ZNF487: variants seen among roughly 807,000 people sequenced by gnomAD.
ZNF487 encodes zinc finger protein 487, also known as KRAB domain only 1.
ZNF487 carries 4 observed loss-of-function variants against 3.0 expected under a neutral mutation model. That is an observed-to-expected ratio of 1.35 (90% CI 0.66 to 3.08). The LOEUF (loss-of-function observed/expected upper bound fraction) is 3.08, where lower values mean the gene tolerates loss of function less well. Ranked by LOEUF, ZNF487 falls within the 30% of genes most tolerant of loss-of-function variation. The pLI, the probability that ZNF487 is intolerant of heterozygous loss-of-function variation, is 0.01. For missense variants in ZNF487, 146 were observed against 98.7 expected (o/e 1.48, Z -2.03); for synonymous variants, 55 against 34.6 (o/e 1.59, Z -2.06).
rs555854438 is a variant in ZNF487 at position 43,455,665 on chromosome 10, A to G, written c.-94+18403A>G. 1.3e-5 allele frequency among the ~76,000 whole-genome samples: 2 copies of G among 152,294 alleles called. 1 individual carries two copies. The highest frequency in any genetic ancestry group is 4.1e-4 in the South Asian group (2 of 4,828). ...GTGGCAGCGACGGGCACTGCCGCGCATGCGCGGCCCATTTCCGAGAGTGGC... is the reference window on the plus strand; with the variant it reads ...GTGGCAGCGACGGGCACTGCCGCGCGTGCGCGGCCCATTTCCGAGAGTGGC... On this transcript the variant is annotated intron_variant, in intron 1 of 3. Transcript: ENST00000437590.
At chr10:43,442,851 A>C (rs560861153) in intron 1 of ZNF487, among the ~76,000 whole-genome samples, 19 of 152,346 alleles carry the variant, frequency 1.2e-4, no homozygotes, top group African/African-American at 4.1e-4. Flanking sequence ...TTGCTTCGAC[A>C]GCACATATAC....
At chr10:43,492,760 A>C in the ZNF487 span, among the ~76,000 whole-genome samples, 2 of 152,140 alleles carry the variant, frequency 1.3e-5, no homozygotes, top group Non-Finnish European at 2.9e-5. Context: ...TGTATTTTTG[A>C]GGCTTACAAC....
At chr10:43,456,569 C>G (rs903242287) in intron 1 of ZNF487, among the ~76,000 whole-genome samples, 5 of 152,120 alleles carry the variant, frequency 3.3e-5, no homozygotes, top group Non-Finnish European at 5.9e-5. Flanking sequence ...ATATTACTAC[C>G]TCTAAGAAAA....
the ZNF487 span, among the ~76,000 whole-genome samples, chr10:43,500,789 A>G: frequency 1.3e-5 from 2 of 152,088 alleles, no homozygotes; most frequent in Non-Finnish European, 2.9e-5. Flanking sequence ...AAATACAGAC[A>G]TGAGCCACTG....
intron 1 of ZNF487, among the ~76,000 whole-genome samples, chr10:43,464,952 A>C (rs1840612832): frequency 6.6e-6 from 1 of 151,102 alleles, no homozygotes; most frequent in Non-Finnish European, 1.5e-5. Context: ...GCGGCCGGGC[A>C]GAGGCGCCCC....
chr10:43,480,758 A>G (rs1588747313), intron 3 of ZNF487, among the ~76,000 whole-genome samples: 1 of 151,652 alleles, frequency 6.6e-6, no homozygotes, highest in East Asian at 1.9e-4. Context: ...CAATGGGCAC[A>G]GTTGAGAGTT....
At chr10:43,517,664 A>G in the ZNF487 span, among the ~76,000 whole-genome samples, 3 of 152,284 alleles carry the variant, frequency 2.0e-5, no homozygotes, top group Admixed American at 2.0e-4. Flanking sequence ...GTGACCCTCC[A>G]TACCAGCTGC....
At chr10:43,455,184 G>T (rs1204245997) in intron 1 of ZNF487, among the ~76,000 whole-genome samples, 2 of 151,514 alleles carry the variant, frequency 1.3e-5, no homozygotes, top group African/African-American at 2.4e-5. Context: ...AATTTTTTTT[G>T]TATTTTTTAG....
intron 2 of ZNF487, 93 bp from the exon 3 acceptor site, chr10:43,476,014 A>G (rs1360960335): frequency 1.5e-6 from 1 of 682,784 alleles, no homozygotes; most frequent in East Asian, 2.7e-5. Context: ...TGTTTTCTGT[A>G]ATGAAATGCT....
downstream of ZNF487, among the ~76,000 whole-genome samples, chr10:43,487,768 T>C (rs952413220): frequency 2.0e-5 from 3 of 151,654 alleles, no homozygotes; most frequent in African/African-American, 7.3e-5. Flanking sequence ...TTTTTAATAC[T>C]AAAAAGTAGA....
chr10:43,481,354 G>T, intron 3 of ZNF487, 75 bp from the exon 4 acceptor site: 1 of 625,448 alleles, frequency 1.6e-6, no homozygotes, highest in African/African-American at 1.9e-5. Context: ...GAAAAAAAAA[G>T]CATGTGAATA....
chr10:43,503,732 A>G, the ZNF487 span, among the ~76,000 whole-genome samples: 1 of 152,100 alleles, frequency 6.6e-6, no homozygotes, highest in East Asian at 1.9e-4. Context: ...CAGCCTCCCA[A>G]ATAGCTGGGA....
intron 1 of ZNF487, among the ~76,000 whole-genome samples, chr10:43,463,812 AATCTGTG>A (rs1369944051): frequency 2.0e-5 from 3 of 150,720 alleles, no homozygotes; most frequent in Non-Finnish European, 4.4e-5. Flanking sequence ...CTATTATGGC[AATCTGTG>A]ATCTGTGATT....
At chr10:43,493,059 C>T in the ZNF487 span, among the ~76,000 whole-genome samples, 13 of 152,008 alleles carry the variant, frequency 8.6e-5, no homozygotes, top group Admixed American at 2.0e-4. Context: ...GGAGAAACCC[C>T]GTCTCTACCA....
rs763451709 is a variant in ZNF487, at chr10:43,441,034, A to ATTTTTTTTTTTTTTTTTTT, written c.-94+3788_-94+3806dup. 2.5e-4 allele frequency among the ~76,000 whole-genome samples: 11 copies of ATTTTTTTTTTTTTTTTTTT among 44,546 alleles called. 3 individuals are homozygous for ATTTTTTTTTTTTTTTTTTT. Among genetic ancestry groups the ATTTTTTTTTTTTTTTTTTT allele is most frequent in the African/African-American group, 8.5e-4 (8 of 9,416 alleles). The allele number at this position is 44,546 out of a possible 152,430, so 29.2% of individuals were successfully genotyped here. On this transcript the variant is annotated intron_variant, in intron 1 of 3. Coordinates refer to ENST00000437590, the MANE Select transcript of ZNF487 (RefSeq NM_001355444.3). ...GGTAAATGCTACCACACCTGGTTAA[A>ATTTTTTTTTTTTTTTTTTT]TTTTTTTTTTTTTTTTTTTTTTTTT... is the stretch of plus-strand genomic sequence containing the variant.
chr10:43,475,930 A>G, intron 2 of ZNF487, 83 bp downstream of exon 2: 2 of 662,980 alleles, frequency 3.0e-6, no homozygotes, highest in African/African-American at 3.6e-5. Context: ...TTGTATGAAT[A>G]TGAGTTAAAG....
chr10:43,477,653 GA>G (rs11285621), intron 3 of ZNF487, among the ~76,000 whole-genome samples: 90,876 of 145,580 alleles, frequency 0.62, 29,050 homozygotes, highest in East Asian at 0.73. Flanking sequence ...GGATTAGACT[GA>G]AAAAAAAAAA....
At chr10:43,498,114 CTTTTTTTTTTTTTTTTTTT>C in the ZNF487 span, among the ~76,000 whole-genome samples, 3 of 24,616 alleles carry the variant, frequency 1.2e-4, no homozygotes, top group Non-Finnish European at 2.0e-4. Context: ...TTTTTTTTTT[CTTTTTTTTTTTTTTTTTTT>C]TTTTTTTTTT....
chr10:43,467,269 A>G (rs1461358528), intron 1 of ZNF487, among the ~76,000 whole-genome samples: 1 of 151,968 alleles, frequency 6.6e-6, no homozygotes. Context: ...CAGTGGCACA[A>G]TCTTGGCTCA....
Sources: allele counts gnomAD v4.1 joint callset (sites outside exome capture counted in the v4.1 genomes callset), GRCh38; gene constraint gnomAD v4.1.1; transcripts MANE v1.5; gene names NCBI Gene and HGNC (gene_info 2026-07-23, HGNC 2026-07-21).